The following APOL1 variants were observed in gnomAD, a reference collection of about 807,000 sequenced individuals.
APOL1 encodes the protein apolipoprotein L 1.
Under a neutral mutation model 14.9 loss-of-function variants are expected in APOL1, and 17 were observed. The ratio of observed to expected loss-of-function variants is 1.14; its 90% CI spans 0.78 to 1.71. The LOEUF (loss-of-function observed/expected upper bound fraction) is 1.71, where lower values mean the gene tolerates loss of function less well. Among genes scored for constraint, APOL1 ranks in the 40% most tolerant of loss-of-function variants. APOL1 has a pLI of 0.00. For synonymous variants in APOL1, 195 were observed against 184.8 expected, an observed-to-expected ratio of 1.05 and a Z score of -0.45; for missense variants, 523 against 485.9, an observed-to-expected ratio of 1.08 and a Z score of -0.72.
In APOL1 at chr22:36,254,973, G is replaced by A; in HGVS notation, c.18G>A (p.Leu6=). 1 of 1,614,144 alleles carries A rather than the reference G, an allele frequency of 6.2e-7. No homozygotes were observed. The highest frequency in any genetic ancestry group is 8.5e-7 in the Non-Finnish European group (1 of 1,179,974). MEGAA[L]LRVSVLCIWM... ...GCAGCGACATGGAGGGAGCTGCTTT[G>A]CTGAGAGTCTCTGTCCTCTGCATCT... The change falls in exon 2 of 6, where the codon TTG becomes TTA. Residue 6 remains leucine (L), a synonymous_variant. Transcript: ENST00000397278.
At chr22:36,260,219 CCT>C (rs1264583019) in intron 4 of APOL1, among the ~76,000 whole-genome samples, 3 of 152,130 alleles carry the variant, frequency 2.0e-5, no homozygotes, top group Admixed American at 6.5e-5. Flanking sequence ...ACGATGAAAC[CCT>C]GTCTCTACTA....
At chr22:36,255,138 C>A in intron 2 of APOL1, 139 bp downstream of exon 2, 1 of 1,058,152 alleles carries the variant, frequency 9.5e-7, no homozygotes, top group Non-Finnish European at 1.4e-6. Context: ...GACCAACCGG[C>A]AGACTCGCCC....
In APOL1 at chr22:36,265,995, AATAATT is replaced by A. The variant is rs71785313; in HGVS notation, c.1164_1169del (p.Asn388_Tyr389del). On this transcript the variant is annotated inframe_deletion, in exon 6 of 6. Coordinates refer to ENST00000397278, the MANE Select transcript of APOL1 (RefSeq NM_003661.4). ...GGAGGAGAAGCTAAACATTCTCAACAATAATTATAAGATTCTGCAGGCGGACCAAGA... is the reference window on the plus strand; with the variant it reads ...GGAGGAGAAGCTAAACATTCTCAACAATAAGATTCTGCAGGCGGACCAAGA... 7.0e-3 allele frequency: 11,305 copies of A among 1,612,914 alleles called. 748 individuals carry two copies. The African/African-American group carries it at 0.14, about 19-fold the overall frequency.
Position 36,266,894 on chromosome 22 carries a change from G to T in APOL1, c.*861G>T. On this transcript the variant is annotated 3_prime_UTR_variant, in exon 6 of 6. Transcript: ENST00000397278. ...CACTCCAGCCTGGGTGACAGAGCGA[G>T]ACTCCATCTCAAAAAAAAAAAAAAA... 5.7e-6 allele frequency: 1 copy of T among 175,512 alleles called. No homozygotes were observed. Among genetic ancestry groups the T allele is most frequent in the Non-Finnish European group, 1.1e-5 (1 of 89,710 alleles). 10.9% of individuals were successfully genotyped at this position (175,512 alleles called of 1,614,324 possible). A position where few individuals can be genotyped will look rare whatever the true frequency, so the allele number is the denominator to read the frequency against.
intron 4 of APOL1, chr22:36,259,927 T>C: frequency 2.3e-6 from 3 of 1,283,068 alleles, no homozygotes; most frequent in Non-Finnish European, 3.1e-6. Flanking sequence ...AGGTAAGCTA[T>C]AAGGGAGAAT....
At position 36,261,824 on chromosome 22, in the gene APOL1, C is replaced by T. The variant is rs1044207597; in HGVS notation, c.314+102C>T. 5 of 1,421,024 alleles carry T rather than the reference C, an allele frequency of 3.5e-6. No individual in the cohort carries two copies. In the African/African-American group the frequency reaches 7.1e-5, roughly 20 times the overall value. The allele number at this position is 1,421,024 out of a possible 1,614,324, so 88.0% of individuals were successfully genotyped here. A position where few individuals can be genotyped will look rare whatever the true frequency, so the allele number is the denominator to read the frequency against. On this transcript the variant is annotated intron_variant, in intron 5 of 5. Coordinates refer to ENST00000397278, the MANE Select transcript of APOL1 (RefSeq NM_003661.4). ...CAGGCACACCTCCTCCAGGCAGCCC[C>T]CTCTGCTGGGCTTGAGGATGACCTT...
intron 4 of APOL1, among the ~76,000 whole-genome samples, chr22:36,260,437 A>G (rs2016042611): frequency 6.6e-6 from 1 of 152,210 alleles, no homozygotes; most frequent in Non-Finnish European, 1.5e-5. Context: ...CACGGCAAGA[A>G]ACAATTTTAC....
intron 4 of APOL1, 29 bp from the exon 5 acceptor site, chr22:36,261,567 C>A: frequency 6.2e-7 from 1 of 1,605,892 alleles, no homozygotes; most frequent in African/African-American, 1.3e-5. Flanking sequence ...CACTTTCCTC[C>A]AACCTTATCC....
intron 5 of APOL1, among the ~76,000 whole-genome samples, chr22:36,262,826 A>G (rs544447704): frequency 2.0e-5 from 3 of 152,338 alleles, no homozygotes; most frequent in East Asian, 3.9e-4. Context: ...TTCTACACAG[A>G]GAAACCCCTG....
At position 36,266,559 on chromosome 22, in the gene APOL1, T is replaced by C. The variant is rs1437084802; in HGVS notation, c.*526T>C. The C allele has an allele frequency of 7.5e-6, 3 of 398,314 alleles. No homozygotes were observed. The highest frequency in any genetic ancestry group is 2.1e-5 in the African/African-American group (1 of 48,192). The allele number at this position is 398,314 out of a possible 1,614,324, so 24.7% of individuals were successfully genotyped here. ...ATTGGAGCCTGCAATAAGGGAAAAA[T>C]GGGAACTGGAGAGTGTGGGGAATGG... On this transcript the variant is annotated 3_prime_UTR_variant, in exon 6 of 6. Transcript: ENST00000397278.
chr22:36,256,261 G>C (rs535272105), intron 2 of APOL1, among the ~76,000 whole-genome samples: 1 of 152,280 alleles, frequency 6.6e-6, no homozygotes, highest in South Asian at 2.1e-4. Flanking sequence ...CTGCTAGTTT[G>C]AGTGTGAATT....
In APOL1 at chr22:36,259,855, T is replaced by C. The variant is rs538751871; in HGVS notation, c.188-1741T>C. The C allele has an allele frequency of 5.4e-6, 7 of 1,304,288 alleles. No homozygotes were observed. The South Asian group carries it at 6.2e-5, about 11-fold the overall frequency. The allele number at this position is 1,304,288 out of a possible 1,614,324, so 80.8% of individuals were successfully genotyped here. On this transcript the variant is annotated intron_variant, in intron 4 of 5. Transcript: ENST00000397278. ...ACCAGCAGGAGGAATCTCCTTTGCA[T>C]GGTAGTTGTACTCAATGCTGTGGAG...
At chr22:36,261,529 C>G (rs1488201476) in intron 4 of APOL1, 67 bp from the exon 5 acceptor site, 1 of 1,511,962 alleles carries the variant, frequency 6.6e-7, no homozygotes, top group Non-Finnish European at 9.1e-7. Flanking sequence ...GTAGTCATCT[C>G]TTATGCAATG....
chr22:36,259,606 T>C, intron 4 of APOL1: 1 of 1,241,632 alleles, frequency 8.1e-7, no homozygotes, highest in Non-Finnish European at 1.0e-6. Context: ...TACGAAGGGC[T>C]GGGCTGGGGG....
At chr22:36,257,451 GA>G (rs776076176) in intron 4 of APOL1, 44 bp downstream of exon 4, 6 of 1,570,588 alleles carry the variant, frequency 3.8e-6, no homozygotes, top group Non-Finnish European at 5.3e-6. Context: ...CTCGCACTTA[GA>G]ATGGAGGGTG....
chr22:36,259,737 C>T, intron 4 of APOL1: 1 of 1,304,218 alleles, frequency 7.7e-7, no homozygotes, highest in Non-Finnish European at 1.0e-6. Context: ...AGGACAGAGG[C>T]AACATGGAGG....
chr22:36,266,380 CT>C lies in APOL1; in HGVS notation c.*351del. ...CTGGGATTACAGGCGTGAGCCATCG[CT>C]TTTGACCCAAATGCAAACATTTTAT... On this transcript the variant is annotated 3_prime_UTR_variant, in exon 6 of 6. Coordinates refer to ENST00000397278, the MANE Select transcript of APOL1 (RefSeq NM_003661.4). 2.5e-6 allele frequency: 1 copy of C among 406,842 alleles called. No individual in the cohort carries two copies. Among genetic ancestry groups the C allele is most frequent in the Non-Finnish European group, 4.3e-6 (1 of 230,846 alleles). The allele number at this position is 406,842 out of a possible 1,614,324, so 25.2% of individuals were successfully genotyped here.
Position 36,257,078 on chromosome 22 carries a change from A to G in APOL1, c.45-5A>G. The stretch of plus-strand genomic sequence containing the variant: ...TCTGATTATCTTCTCCTCATACCCC[A>G]ACAGGATGAGTGCACTTTTCCTTGG... On this transcript the variant is annotated splice_polypyrimidine_tract_variant and splice_region_variant and intron_variant, in intron 2 of 5. Transcript: ENST00000397278. The G allele has an allele frequency of 6.2e-7, 1 of 1,614,096 alleles. No homozygotes were observed. The highest frequency in any genetic ancestry group is 8.5e-7 in the Non-Finnish European group (1 of 1,180,002).
At chr22:36,256,121 T>C (rs1026371704) in intron 2 of APOL1, among the ~76,000 whole-genome samples, 2 of 152,264 alleles carry the variant, frequency 1.3e-5, no homozygotes, top group African/African-American at 4.8e-5. Flanking sequence ...AATTTTGTAC[T>C]AATTGGTGTT....
Sources: allele counts gnomAD v4.1 joint callset (sites outside exome capture counted in the v4.1 genomes callset), GRCh38; gene constraint gnomAD v4.1.1; transcripts MANE v1.5; gene names NCBI Gene and HGNC (gene_info 2026-07-23, HGNC 2026-07-21).